Variants in ZNF93 observed in about 807,000 individuals in gnomAD.
The protein encoded by ZNF93 is zinc finger protein 93.
Under a neutral mutation model 45.0 loss-of-function variants are expected in ZNF93, and 29 were observed. The observed-to-expected ratio is 0.64, with a 90% CI of 0.48 to 0.88. ZNF93 has a LOEUF of 0.88. ZNF93 is among the 40% of genes least tolerant of loss of function. The pLI is 0.00. For synonymous variants in ZNF93, 223 were observed against 244.6 expected, an observed-to-expected ratio of 0.91 and a Z score of 0.82; for missense variants, 578 against 724.0, an observed-to-expected ratio of 0.80 and a Z score of 2.31.
chr19:19,907,549 CT>C (rs59393098), intron 1 of ZNF93, among the ~76,000 whole-genome samples: 56,020 of 137,294 alleles, frequency 0.41, 14,170 homozygotes, highest in African/African-American at 0.77. Context: ...ATTTTCTTTT[CT>C]TTTTTTTTTT....
chr19:19,913,647 C>T (rs971014547), intron 1 of ZNF93, among the ~76,000 whole-genome samples: 38 of 151,998 alleles, frequency 2.5e-4, no homozygotes, highest in African/African-American at 7.5e-4. Context: ...TCATTGTTCC[C>T]GAATCTCTTC....
intron 1 of ZNF93, chr19:19,908,843 CAA>C (rs35508249): frequency 0.012 from 890 of 73,220 alleles, 2 homozygotes; most frequent in South Asian, 0.045. Flanking sequence ...AACTCCGTCT[CAA>C]AAAAAAAAAA....
At chr19:19,926,075 A>G (rs1388096132) in intron 3 of ZNF93, 1 of 149,330 alleles carries the variant, frequency 6.7e-6, no homozygotes, top group African/African-American at 2.5e-5. Flanking sequence ...GCAGTTACCT[A>G]GAATTTTTTT....
chr19:19,911,969 T>A (rs562532801), intron 1 of ZNF93, among the ~76,000 whole-genome samples: 1 of 152,208 alleles, frequency 6.6e-6, no homozygotes, highest in African/African-American at 2.4e-5. Context: ...AGGCTGGTCT[T>A]TAACTGCTTG....
intron 1 of ZNF93, among the ~76,000 whole-genome samples, chr19:19,911,560 T>C (rs2122168496): frequency 6.6e-6 from 1 of 152,154 alleles, no homozygotes; most frequent in African/African-American, 2.4e-5. Context: ...CATGAAGCAG[T>C]CATAGTTCCT....
chr19:19,905,869 G>T (rs926911049), intron 1 of ZNF93, among the ~76,000 whole-genome samples: 1 of 152,092 alleles, frequency 6.6e-6, no homozygotes, highest in African/African-American at 2.4e-5. Context: ...TGGGATTACA[G>T]GCATGAGCCA....
chr19:19,918,820 T>G (rs889498701), intron 3 of ZNF93, among the ~76,000 whole-genome samples: 3 of 152,302 alleles, frequency 2.0e-5, no homozygotes, highest in African/African-American at 7.2e-5. Context: ...TCTTGTAAAT[T>G]TGTTTGAGTT....
intron 1 of ZNF93, among the ~76,000 whole-genome samples, chr19:19,914,338 A>C (rs2063317746): frequency 6.6e-6 from 1 of 152,238 alleles, no homozygotes; most frequent in South Asian, 2.1e-4. Context: ...TAGGGTGCTA[A>C]ATGAAGCCTA....
intron 3 of ZNF93, among the ~76,000 whole-genome samples, chr19:19,920,609 C>T (rs112439053): frequency 0.1 from 15,457 of 151,954 alleles, 1,529 homozygotes; most frequent in African/African-American, 0.26. Flanking sequence ...GCTATTATTG[C>T]CTCAATTTCA....
chr19:19,933,585 T>A lies in ZNF93; in HGVS notation c.630T>A (p.Phe210Leu). 1 of 1,607,612 alleles carries A rather than the reference T, an allele frequency of 6.2e-7. No individual in the cohort carries two copies. Among genetic ancestry groups the A allele is most frequent in the South Asian group, 1.1e-5 (1 of 89,988 alleles). Reference protein sequence around the residue: ...PYICEECGKAFKYSSALNTHK... With the variant: ...PYICEECGKALKYSSALNTHK... ...TTTGTGAAGAATGTGGCAAAGCCTT[T>A]AAGTACTCCTCTGCCCTTAATACAC... The change falls in exon 4 of 4, where the codon TTT becomes TTA. Residue 210 changes from phenylalanine to leucine, a missense_variant. Physicochemically the swap from Phe to Leu is conservative, Grantham distance 22. Coordinates refer to ENST00000343769, the MANE Select transcript of ZNF93 (RefSeq NM_031218.4).
chr19:19,931,650 T>C (rs899504024), intron 3 of ZNF93, among the ~76,000 whole-genome samples: 1 of 152,244 alleles, frequency 6.6e-6, no homozygotes, highest in Non-Finnish European at 1.5e-5. Context: ...CATTTCATTT[T>C]ATTTAGTAGT....
chr19:19,919,484 G>T (rs2063336335), intron 3 of ZNF93, among the ~76,000 whole-genome samples: 1 of 152,082 alleles, frequency 6.6e-6, no homozygotes, highest in African/African-American at 2.4e-5. Context: ...TTCCAATTCT[G>T]TGAAGAAAGT....
At chr19:19,902,738 CTTT>C (rs35918160) in intron 1 of ZNF93, among the ~76,000 whole-genome samples, 164 of 135,686 alleles carry the variant, frequency 1.2e-3, no homozygotes, top group African/African-American at 4.3e-3. Context: ...CTGGGAGGAT[CTTT>C]TTTTTTTTTT....
At position 19,910,781 on chromosome 19, in the gene ZNF93, T is replaced by G. The variant is rs537688509; in HGVS notation, c.4-4499T>G. On this transcript the variant is annotated intron_variant, in intron 1 of 3. Coordinates refer to ENST00000343769, the MANE Select transcript of ZNF93 (RefSeq NM_031218.4). Reference sequence around the variant, plus strand: ...GATGCAGAGCCAGGTGGATCCTACCTGGAATCTGCAGATAAGGTCTGGCCT... The same window carrying G: ...GATGCAGAGCCAGGTGGATCCTACCGGGAATCTGCAGATAAGGTCTGGCCT... Among the ~76,000 whole-genome samples, 5 of 152,234 alleles carry G rather than the reference T, an allele frequency of 3.3e-5. No individual in the cohort carries two copies. The South Asian group carries it at 8.3e-4, about 25-fold the overall frequency.
Position 19,901,093 on chromosome 19 carries a change from TGA to T in ZNF93, c.3+6_3+7del. 6.2e-7 allele frequency: 1 copy of T among 1,613,154 alleles called. No homozygotes were observed. Among genetic ancestry groups the T allele is most frequent in the South Asian group, 1.1e-5 (1 of 91,044 alleles). On this transcript the variant is annotated splice_donor_region_variant and intron_variant, in intron 1 of 3. Coordinates refer to ENST00000343769, the MANE Select transcript of ZNF93 (RefSeq NM_031218.4). ...AGGACCCCTGGAAGCCTAGAAATGG[TGA>T]GAGTGCCGGTCCGACATCCCAAGCG...
chr19:19,923,893 G>A (rs1050458206), intron 3 of ZNF93, among the ~76,000 whole-genome samples: 1 of 152,062 alleles, frequency 6.6e-6, no homozygotes, highest in Non-Finnish European at 1.5e-5. Flanking sequence ...GCCCTGCTTC[G>A]GCTCACACTT....
chr19:19,901,241 C>T, intron 1 of ZNF93, 150 bp downstream of exon 1: 3 of 1,309,968 alleles, frequency 2.3e-6, no homozygotes, highest in Middle Eastern at 1.9e-4. Flanking sequence ...TCCCTTCAGC[C>T]ATAAGATGGC....
intron 1 of ZNF93, among the ~76,000 whole-genome samples, chr19:19,904,596 G>A (rs978913035): frequency 6.6e-6 from 1 of 152,166 alleles, no homozygotes; most frequent in Admixed American, 6.5e-5. Context: ...GAATTCAAAT[G>A]TTAGACAATG....
intron 1 of ZNF93, among the ~76,000 whole-genome samples, chr19:19,912,419 CT>C (rs1402701857): frequency 6.6e-6 from 1 of 152,156 alleles, no homozygotes; most frequent in Non-Finnish European, 1.5e-5. Context: ...CTGCTGAATC[CT>C]GCTGCCTTTC....
Sources: allele counts gnomAD v4.1 joint callset (sites outside exome capture counted in the v4.1 genomes callset), GRCh38; gene constraint gnomAD v4.1.1; transcripts MANE v1.5; gene names NCBI Gene and HGNC (gene_info 2026-07-23, HGNC 2026-07-21).